Variants in SPOPL observed in about 807,000 individuals in gnomAD.
The protein encoded by SPOPL is speckle-type POZ protein-like.
SPOPL carries 23 observed loss-of-function variants against 53.8 expected under a neutral mutation model. The observed-to-expected ratio is 0.43, with a 90% CI of 0.31 to 0.61. SPOPL has a LOEUF of 0.61. Among genes scored for constraint, SPOPL ranks in the 20% least tolerant of loss-of-function variants. SPOPL has a pLI of 0.12. For synonymous variants in SPOPL, 164 were observed against 149.7 expected (o/e 1.10, Z -0.70); for missense variants, 442 against 466.9 (o/e 0.95, Z 0.49).
intron 1 of SPOPL, among the ~76,000 whole-genome samples, chr2:138,523,842 T>C (rs1684610891): frequency 6.6e-6 from 1 of 152,222 alleles, no homozygotes; most frequent in South Asian, 2.1e-4. Flanking sequence ...GCCTCCCTCC[T>C]GACTGCTTTC....
In SPOPL at chr2:138,553,783, G is replaced by A. The variant is rs377408200; in HGVS notation, c.480+1102G>A. 1.1e-3 allele frequency among the ~76,000 whole-genome samples: 166 copies of A among 152,192 alleles called. 4 individuals carry two copies. The South Asian group carries it at 0.034, about 31-fold the overall frequency. On this transcript the variant is annotated intron_variant, in intron 5 of 10. Coordinates refer to ENST00000280098, the MANE Select transcript of SPOPL (RefSeq NM_001001664.3). ...TTTGGTTGACAAACACATAGCACAAGTCTTATCATTAAATAACTGGGAAGA... is the reference window on the plus strand; with the variant it reads ...TTTGGTTGACAAACACATAGCACAAATCTTATCATTAAATAACTGGGAAGA...
At chr2:138,558,721 C>A (rs1475214539) in intron 5 of SPOPL, among the ~76,000 whole-genome samples, 1 of 152,084 alleles carries the variant, frequency 6.6e-6, no homozygotes, top group Middle Eastern at 3.4e-3. Context: ...GAGTTTATAT[C>A]ATATTGTGGC....
At chr2:138,522,164 C>T (rs1001760970) in intron 1 of SPOPL, among the ~76,000 whole-genome samples, 1 of 152,142 alleles carries the variant, frequency 6.6e-6, no homozygotes, top group Non-Finnish European at 1.5e-5. Context: ...AGACTTACTG[C>T]CCTAGAAAAA....
intron 1 of SPOPL, among the ~76,000 whole-genome samples, chr2:138,527,250 G>A (rs1444561434): frequency 6.6e-6 from 1 of 151,954 alleles, no homozygotes; most frequent in South Asian, 2.1e-4. Flanking sequence ...CTATGAACTT[G>A]TGTCTCCCTT....
At chr2:138,561,054 G>A (rs1442343683) in intron 8 of SPOPL, 127 bp downstream of exon 8, 2 of 1,119,018 alleles carry the variant, frequency 1.8e-6, no homozygotes. Context: ...TTATGAAATA[G>A]CATACAGTGG....
At chr2:138,517,392 C>T (rs1201170314) in intron 1 of SPOPL, among the ~76,000 whole-genome samples, 2 of 152,076 alleles carry the variant, frequency 1.3e-5, no homozygotes, top group African/African-American at 4.8e-5. Flanking sequence ...AGGATTGAAT[C>T]GTAGCAGATT....
chr2:138,532,802 C>G (rs1684842247), intron 1 of SPOPL, among the ~76,000 whole-genome samples: 1 of 152,000 alleles, frequency 6.6e-6, no homozygotes, highest in Admixed American at 6.6e-5. Context: ...AGGTTGTTCT[C>G]CCTTCTCTAG....
rs150982236 is a variant in SPOPL at position 138,504,946 on chromosome 2, T to G, written c.-61+2827T>G. Among the ~76,000 whole-genome samples, 17 of 152,304 alleles carry G rather than the reference T, an allele frequency of 1.1e-4. No individual in the cohort carries two copies. The East Asian group carries it at 3.1e-3, about 28-fold the overall frequency. On this transcript the variant is annotated intron_variant, in intron 1 of 10. Transcript: ENST00000280098. ...TTTAATAAGACTTTTTTATTCCTAT[T>G]TTACAAATGAGGAACTTGAGAAACA...
chr2:138,562,504 G>A (rs1685570741), intron 8 of SPOPL, among the ~76,000 whole-genome samples: 1 of 152,084 alleles, frequency 6.6e-6, no homozygotes. Context: ...AGTAAGGCAG[G>A]CCTCGCATGG....
At position 138,564,979 on chromosome 2, in the gene SPOPL, A is replaced by G. The variant is rs891312252; in HGVS notation, c.1020A>G (p.Lys340=). The stretch of plus-strand genomic sequence containing the variant: ...GACAACTTGGGTGTAAAGATGGGAA[A>G]AACTGGAACAGCAAGTAAGATGACA... ...VLRQLGCKDG[K]NWNSNQATDI... is the part of the protein sequence containing the mutation. The change falls in exon 10 of 11, where the codon AAA becomes AAG. Residue 340 remains lysine (K), a synonymous_variant. Coordinates refer to ENST00000280098, the MANE Select transcript of SPOPL (RefSeq NM_001001664.3). The G allele has an allele frequency of 1.9e-6, 3 of 1,613,982 alleles. No homozygotes were observed. In the African/African-American group the frequency reaches 4.0e-5, roughly 22 times the overall value.
At chr2:138,565,838 A>T (rs1685648855) in intron 10 of SPOPL, among the ~76,000 whole-genome samples, 1 of 150,424 alleles carries the variant, frequency 6.6e-6, no homozygotes, top group Non-Finnish European at 1.5e-5. Context: ...GGTTCACGCC[A>T]TTCTCCTGCC....
intron 1 of SPOPL, among the ~76,000 whole-genome samples, chr2:138,506,726 T>G (rs1334703348): frequency 1.3e-5 from 2 of 152,104 alleles, no homozygotes; most frequent in Non-Finnish European, 2.9e-5. Context: ...CTGAGACATA[T>G]AAGTAGAGAT....
chr2:138,571,260 T>C lies in SPOPL; in HGVS notation c.*2180T>C, dbSNP rs527844045. 6.6e-6 allele frequency: 1 copy of C among 152,534 alleles called. No homozygotes were observed. Among genetic ancestry groups the C allele is most frequent in the Non-Finnish European group, 1.5e-5 (1 of 68,024 alleles). The allele number at this position is 152,534 out of a possible 1,614,324, so 9.4% of individuals were successfully genotyped here. ...TCCAATGCGCACCACACCGGCACAT[T>C]GTGATTTAATTCACCGCTTGAATCT... On this transcript the variant is annotated 3_prime_UTR_variant, in exon 11 of 11. Transcript: ENST00000280098.
intron 5 of SPOPL, among the ~76,000 whole-genome samples, chr2:138,552,949 T>A (rs1274324089): frequency 6.6e-6 from 1 of 152,076 alleles, no homozygotes; most frequent in African/African-American, 2.4e-5. Flanking sequence ...TTGAAAAGAT[T>A]GTGAATGTGA....
intron 1 of SPOPL, among the ~76,000 whole-genome samples, chr2:138,538,522 T>G (rs979159701): frequency 6.6e-6 from 1 of 152,298 alleles, no homozygotes; most frequent in African/African-American, 2.4e-5. Context: ...GCCACCCAGC[T>G]CTCTTCTGCA....
chr2:138,508,189 A>G (rs1684255236), intron 1 of SPOPL, among the ~76,000 whole-genome samples: 1 of 152,218 alleles, frequency 6.6e-6, no homozygotes, highest in Non-Finnish European at 1.5e-5. Flanking sequence ...GACCATGGGT[A>G]GAATACAATT....
rs556504502 is a variant in SPOPL, at chr2:138,552,627, G to T, written c.426G>T (p.Leu142Phe). 1.9e-5 allele frequency: 31 copies of T among 1,613,130 alleles called. No individual in the cohort carries two copies. In the African/African-American group the frequency reaches 4.1e-4, roughly 22 times the overall value. ...GFKKFIRRDF[L>F]LDEANGLLPD... ...AAAAATTCATTAGAAGGGACTTTTT[G>T]CTTGATGAAGCTAATGGTCTTTTAC... Residue 142 changes from leucine to phenylalanine, a missense_variant, in exon 5 of 11, where the codon TTG becomes TTT. Transcript: ENST00000280098.
intron 1 of SPOPL, among the ~76,000 whole-genome samples, chr2:138,538,131 G>A (rs1006217302): frequency 6.6e-5 from 10 of 151,986 alleles, no homozygotes; most frequent in East Asian, 1.9e-4. Context: ...TTGTGGCCTC[G>A]GTAGCATATG....
At chr2:138,502,308 C>A (rs1684119764) in intron 1 of SPOPL, among the ~76,000 whole-genome samples, 189 bp downstream of exon 1, 1 of 152,094 alleles carries the variant, frequency 6.6e-6, no homozygotes, top group African/African-American at 2.4e-5. Context: ...GCCCCCGGAC[C>A]GCCCTTCCCT....
Sources: allele counts gnomAD v4.1 joint callset (sites outside exome capture counted in the v4.1 genomes callset), GRCh38; gene constraint gnomAD v4.1.1; transcripts MANE v1.5; gene names NCBI Gene and HGNC (gene_info 2026-07-23, HGNC 2026-07-21).